The following PUS7 variants were observed in gnomAD, a reference collection of about 807,000 sequenced individuals.
PUS7 encodes pseudouridylate synthase 7 homolog.
Under a neutral mutation model 79.8 loss-of-function variants are expected in PUS7, and 48 were observed. That is an observed-to-expected ratio of 0.60 (90% CI 0.48 to 0.76). The LOEUF (loss-of-function observed/expected upper bound fraction) is 0.76. PUS7 is among the 30% of genes least tolerant of loss of function. PUS7 has a pLI of 0.00. For synonymous variants in PUS7, 286 were observed against 272.2 expected, an observed-to-expected ratio of 1.05 and a Z score of -0.50; for missense variants, 729 against 797.6, an observed-to-expected ratio of 0.91 and a Z score of 1.04.
chr7:105,468,256 G>A, intron 12 of PUS7, 81 bp downstream of exon 12: 1 of 1,524,220 alleles, frequency 6.6e-7, no homozygotes, highest in Admixed American at 2.0e-5. Flanking sequence ...TTAATTAATA[G>A]CCAGGATGGA....
intron 5 of PUS7, among the ~76,000 whole-genome samples, chr7:105,499,123 C>G (rs573280365): frequency 3.3e-5 from 5 of 152,292 alleles, no homozygotes; most frequent in African/African-American, 1.2e-4. Context: ...CACTAGAATG[C>G]TCCGGTGAAA....
rs767161923 is a variant in PUS7 at position 105,472,140 on chromosome 7, C to T, written c.1229G>A (p.Arg410His). Residue 410 changes from arginine (R) to histidine (H), a missense_variant, in exon 10 of 16, where the codon CGC becomes CAC. Transcript: ENST00000469408. Reference protein sequence around the residue: ...TEVMDLILKPRSGAEKGYLVK... With the variant: ...TEVMDLILKPHSGAEKGYLVK... ...ATGAATTTTATTCTCACCTCCAGAG[C>T]GGGGTTTCAATATTAAATCCATGAC... is the stretch of plus-strand genomic sequence containing the variant. 9 of 1,594,484 alleles carry T rather than the reference C, an allele frequency of 5.6e-6. No individual in the cohort carries two copies. The highest frequency in any genetic ancestry group is 2.7e-5 in the African/African-American group (2 of 74,392).
At chr7:105,494,973 T>TAAAA (rs1200372702) in intron 6 of PUS7, among the ~76,000 whole-genome samples, 169 bp downstream of exon 6, 15 of 85,722 alleles carry the variant, frequency 1.7e-4, no homozygotes, top group Non-Finnish European at 2.2e-4. Flanking sequence ...TGAGACTGTC[T>TAAAA]AAAAAAAAAA....
chr7:105,508,530 AAC>A lies in PUS7; in HGVS notation c.-20_-19del. On this transcript the variant is annotated 5_prime_UTR_variant, in exon 2 of 16. An upstream start codon of the reference 5' UTR is lost. Transcript: ENST00000469408. Reference sequence around the variant, plus strand: ...ATCTCCATCTTTAAGGCTCCAAGAAAACATTTAAGAAAACCTGTTAGGAAAGA... The same window carrying A: ...ATCTCCATCTTTAAGGCTCCAAGAAAATTTAAGAAAACCTGTTAGGAAAGA... 3 of 1,598,700 alleles carry A rather than the reference AAC, an allele frequency of 1.9e-6. No individual in the cohort carries two copies. The highest frequency in any genetic ancestry group is 2.3e-5 in the South Asian group (2 of 88,550).
intron 10 of PUS7, 50 bp downstream of exon 10, chr7:105,472,082 T>C: frequency 8.4e-7 from 1 of 1,185,056 alleles, no homozygotes; most frequent in Non-Finnish European, 1.2e-6. Flanking sequence ...ATTTCATGAA[T>C]ACCTAGCCAT....
At chr7:105,490,473 C>T (rs550164408) in intron 7 of PUS7, among the ~76,000 whole-genome samples, 1 of 152,208 alleles carries the variant, frequency 6.6e-6, no homozygotes, top group East Asian at 1.9e-4. Flanking sequence ...TTCTCCCTCC[C>T]CAGAATACGT....
chr7:105,469,908 A>G (rs898592874), intron 11 of PUS7, among the ~76,000 whole-genome samples: 3 of 152,162 alleles, frequency 2.0e-5, no homozygotes, highest in Non-Finnish European at 4.4e-5. Flanking sequence ...GTTTTAGGAA[A>G]AGTTTACAAA....
chr7:105,506,181 A>G lies in PUS7; in HGVS notation c.483+8T>C. The stretch of plus-strand genomic sequence containing the variant: ...AGAAGGTGACATTTGCTAAAGAGCT[A>G]CTTCTACCTCCTCATCCACTGGAAT... On this transcript the variant is annotated splice_region_variant and intron_variant, in intron 3 of 15. Coordinates refer to ENST00000469408, the MANE Select transcript of PUS7 (RefSeq NM_019042.5). 1 of 1,605,712 alleles carries G rather than the reference A, an allele frequency of 6.2e-7. No homozygotes were observed. Among genetic ancestry groups the G allele is most frequent in the Non-Finnish European group, 8.5e-7 (1 of 1,175,016 alleles).
At chr7:105,468,760 C>T (rs989651829) in intron 11 of PUS7, among the ~76,000 whole-genome samples, 5 of 151,984 alleles carry the variant, frequency 3.3e-5, no homozygotes, top group Non-Finnish European at 4.4e-5. Flanking sequence ...TCAGGTGATC[C>T]GCCCACCTTG....
chr7:105,505,860 G>T, intron 4 of PUS7, 95 bp downstream of exon 4: 1 of 1,018,900 alleles, frequency 9.8e-7, no homozygotes, highest in South Asian at 1.6e-5. Flanking sequence ...GTCACCCTTT[G>T]TTAACCATTG....
At chr7:105,492,445 C>G (rs1586145376) in intron 6 of PUS7, among the ~76,000 whole-genome samples, 1 of 151,650 alleles carries the variant, frequency 6.6e-6, no homozygotes, top group Non-Finnish European at 1.5e-5. Flanking sequence ...CTGCTTCAGC[C>G]TCCCAAGTAG....
intron 4 of PUS7, among the ~76,000 whole-genome samples, chr7:105,504,185 T>G: frequency 7.1e-6 from 1 of 141,012 alleles, no homozygotes; most frequent in Non-Finnish European, 1.6e-5. Context: ...TTCTCCCGCC[T>G]CAGCCTCCTG....
chr7:105,500,610 C>A (rs1825207955), intron 5 of PUS7, among the ~76,000 whole-genome samples: 1 of 152,224 alleles, frequency 6.6e-6, no homozygotes, highest in South Asian at 2.1e-4. Context: ...TGCTGACCAA[C>A]ATGGGCTGTT....
chr7:105,481,772 C>T (rs1453547681), intron 8 of PUS7, among the ~76,000 whole-genome samples: 3 of 151,846 alleles, frequency 2.0e-5, no homozygotes, highest in African/African-American at 7.3e-5. Context: ...ACTCTGTCCC[C>T]TAGGCTGGAG....
chr7:105,456,727 T>C lies in PUS7; in HGVS notation c.*1063A>G, dbSNP rs1823202988. ...ACTGGTGACAAAGGGTAAACGCTAC[T>C]GATAGAAGAAAGCCTTGTCCATTTT... is the stretch of plus-strand genomic sequence containing the variant. On this transcript the variant is annotated 3_prime_UTR_variant, in exon 16 of 16. Coordinates refer to ENST00000469408, the MANE Select transcript of PUS7 (RefSeq NM_019042.5). 1 of 152,354 alleles carries C rather than the reference T, an allele frequency of 6.6e-6. No homozygotes were observed. The highest frequency in any genetic ancestry group is 2.4e-5 in the African/African-American group (1 of 41,588). The allele number at this position is 152,354 out of a possible 1,614,324, so 9.4% of individuals were successfully genotyped here.
chr7:105,468,959 T>C (rs906849856), intron 11 of PUS7, among the ~76,000 whole-genome samples: 19 of 152,190 alleles, frequency 1.2e-4, no homozygotes. Context: ...TGGAGTGCAG[T>C]GGCATGATCA....
Position 105,513,836 on chromosome 7 carries a change from T to TC in PUS7, c.-32-5293dup, listed in dbSNP as rs1825790512. Among the ~76,000 whole-genome samples the TC allele has an allele frequency of 1.7e-5, 2 of 117,676 alleles. 1 individual carries two copies. The highest frequency in any genetic ancestry group is 3.5e-5 in the Non-Finnish European group (2 of 57,920). 77.2% of individuals were successfully genotyped at this position (117,676 alleles called of 152,430 possible). ...CTGGGTGACAGAGCAAGACTCCGTC[T>TC]CAAAAAAAAAAAAAAAATAGTTATT... On this transcript the variant is annotated intron_variant, in intron 1 of 15. Coordinates refer to ENST00000469408, the MANE Select transcript of PUS7 (RefSeq NM_019042.5).
intron 7 of PUS7, among the ~76,000 whole-genome samples, chr7:105,485,937 G>A (rs376252051): frequency 9.9e-5 from 15 of 151,952 alleles, no homozygotes; most frequent in African/African-American, 3.1e-4. Context: ...TGGGACTACC[G>A]GCATGCACCA....
intron 14 of PUS7, among the ~76,000 whole-genome samples, 200 bp from the exon 15 acceptor site, chr7:105,459,459 TG>T (rs1437489676): frequency 1.3e-5 from 2 of 151,044 alleles, no homozygotes; most frequent in African/African-American, 4.9e-5. Context: ...TTTTTTGAGA[TG>T]GAGTCTCAAC....
Sources: gnomAD v4.1 joint callset for allele counts (sites outside exome capture counted in the v4.1 genomes callset) on GRCh38, gnomAD v4.1.1 for gene constraint, MANE v1.5 for transcripts, NCBI Gene and HGNC (gene_info 2026-07-23, HGNC 2026-07-21) for gene names.